ALMS1: variants seen among roughly 807,000 people sequenced by gnomAD.
ALMS1 encodes centrosome-associated protein ALMS1.
A neutral mutation model predicts 352.2 loss-of-function variants in ALMS1; 271 were observed. The ratio of observed to expected loss-of-function variants is 0.77; its 90% CI spans 0.70 to 0.85. ALMS1 has a LOEUF of 0.85. Ranked by LOEUF, ALMS1 falls within the 40% of genes least tolerant of loss-of-function variation. The probability of loss-of-function intolerance (pLI) is 0.00; values close to 1 mark genes in which losing one functional copy is unlikely to be tolerated. For missense variants in ALMS1, 5,445 were observed against 4,870.7 expected, an observed-to-expected ratio of 1.12 and a Z score of -3.51; for synonymous variants, 1,865 against 1,761.2, an observed-to-expected ratio of 1.06 and a Z score of -1.48.
At chr2:73,438,904 A>G (rs2103749924) in intron 7 of ALMS1, among the ~76,000 whole-genome samples, 1 of 152,206 alleles carries the variant, frequency 6.6e-6, no homozygotes, top group East Asian at 1.9e-4. Context: ...ACAATTATGT[A>G]AGAATTCTCT....
At chr2:73,605,568 G>T (rs1252499555) in intron 21 of ALMS1, among the ~76,000 whole-genome samples, 1 of 152,232 alleles carries the variant, frequency 6.6e-6, no homozygotes, top group Non-Finnish European at 1.5e-5. Flanking sequence ...CCACTTGTCA[G>T]CCAGGCACAG....
chr2:73,452,122 G>A lies in ALMS1; in HGVS notation c.5595G>A (p.Leu1865=), dbSNP rs2103787065. The A allele has an allele frequency of 6.2e-7, 1 of 1,608,860 alleles. No homozygotes were observed. Among genetic ancestry groups the A allele is most frequent in the Non-Finnish European group, 8.5e-7 (1 of 1,176,700 alleles). Residue 1865 remains leucine, a synonymous_variant, in exon 8 of 23, where the codon TTG becomes TTA. Coordinates refer to ENST00000613296, the MANE Select transcript of ALMS1 (RefSeq NM_001378454.1). ...CTGTCATTTCTTATGAGCAGGAGTT[G>A]CCAGATCTTACTGAAGTAACTTTGA... is the stretch of plus-strand genomic sequence containing the variant. ...EHSVISYEQE[L]PDLTEVTLKA... is the part of the protein sequence containing the mutation.
intron 10 of ALMS1, among the ~76,000 whole-genome samples, chr2:73,515,768 TACACACACACACACACACACACAC>T (rs71406825): frequency 7.1e-6 from 1 of 141,480 alleles, no homozygotes; most frequent in Admixed American, 7.1e-5. Context: ...TCCACAGAAA[TACACACACACACACACACACACAC>T]ACACACACAC....
chr2:73,549,331 A>G (rs781596143), intron 12 of ALMS1, among the ~76,000 whole-genome samples: 3 of 151,818 alleles, frequency 2.0e-5, no homozygotes, highest in Non-Finnish European at 4.4e-5. Flanking sequence ...TGTCTTTTGT[A>G]TTGTCAGATT....
At chr2:73,531,858 C>T (rs1572999164) in intron 11 of ALMS1, among the ~76,000 whole-genome samples, 1 of 152,226 alleles carries the variant, frequency 6.6e-6, no homozygotes, top group Non-Finnish European at 1.5e-5. Flanking sequence ...ACTGCCACTT[C>T]TAAACCATCA....
intron 8 of ALMS1, among the ~76,000 whole-genome samples, chr2:73,454,805 G>A (rs1473011143): frequency 2.0e-5 from 3 of 152,220 alleles, no homozygotes; most frequent in East Asian, 1.9e-4. Context: ...CCTCCAAGTT[G>A]TATTTATTAC....
At chr2:73,469,096 C>G (rs1279907509) in intron 9 of ALMS1, among the ~76,000 whole-genome samples, 2 of 152,004 alleles carry the variant, frequency 1.3e-5, no homozygotes, top group East Asian at 1.9e-4. Flanking sequence ...TGTCTCTTCT[C>G]CTTCTCTCTT....
At chr2:73,445,708 C>T (rs867227726) in intron 7 of ALMS1, among the ~76,000 whole-genome samples, 1 of 151,934 alleles carries the variant, frequency 6.6e-6, no homozygotes, top group Non-Finnish European at 1.5e-5. Context: ...TAAATTGTAC[C>T]CAGGTTGTTA....
In ALMS1 at chr2:73,600,665, TC is replaced by T. The variant is rs1261279730; in HGVS notation, c.11669-11del. 1.2e-6 allele frequency: 2 copies of T among 1,610,270 alleles called. No homozygotes were observed. The highest frequency in any genetic ancestry group is 8.5e-7 in the Non-Finnish European group (1 of 1,178,068). ...AGGTTACTCCCAGAGACACCTATGA[TC>T]CTTCCCCTCAGGTAACTTGGAGATT... On this transcript the variant is annotated splice_polypyrimidine_tract_variant and intron_variant, in intron 17 of 22. Transcript: ENST00000613296.
intron 14 of ALMS1, 116 bp downstream of exon 14, chr2:73,557,470 C>T (rs1409508857): frequency 7.6e-7 from 1 of 1,314,312 alleles, no homozygotes; most frequent in Non-Finnish European, 1.1e-6. Context: ...GTCTTCAGCT[C>T]TCTTCTATCT....
chr2:73,459,620 T>G (rs1354245562), intron 9 of ALMS1: 1 of 152,168 alleles, frequency 6.6e-6, no homozygotes, highest in Non-Finnish European at 1.5e-5. Context: ...CTATCATTGT[T>G]TATTTTGATA....
At chr2:73,397,944 A>G (rs1014481926) in intron 1 of ALMS1, among the ~76,000 whole-genome samples, 2 of 152,076 alleles carry the variant, frequency 1.3e-5, no homozygotes, top group African/African-American at 2.4e-5. Context: ...TATTCTTTTG[A>G]CAGTGTTTTT....
chr2:73,557,150 G>A lies in ALMS1; in HGVS notation c.10079-70G>A, dbSNP rs937038650. 9.1e-5 allele frequency: 145 copies of A among 1,598,942 alleles called. 1 individual carries two copies. In the Middle Eastern group the frequency reaches 2.5e-3, roughly 28 times the overall value. On this transcript the variant is annotated intron_variant, in intron 13 of 22. Coordinates refer to ENST00000613296, the MANE Select transcript of ALMS1 (RefSeq NM_001378454.1). ...GTTTGGGGTTTTGTTTGTAATTGTG[G>A]GGGAGGATTACTTGTCTGTTGTGTT...
intron 7 of ALMS1, among the ~76,000 whole-genome samples, chr2:73,436,990 G>T (rs1254791739): frequency 6.6e-6 from 1 of 152,118 alleles, no homozygotes; most frequent in Admixed American, 6.5e-5. Context: ...ATAATATCTT[G>T]TTGCAGCTCT....
rs201624771 is a variant in ALMS1, at chr2:73,519,852, C to T, written c.9617C>T (p.Thr3206Ile). The T allele has an allele frequency of 1.8e-4, 294 of 1,614,014 alleles. No homozygotes were observed. Among genetic ancestry groups the T allele is most frequent in the Middle Eastern group, 3.3e-4 (2 of 6,062 alleles). Reference protein sequence around the residue: ...LSSDAVTQITTESPEKTLFSS... With the variant: ...LSSDAVTQITIESPEKTLFSS... ...TCTGATGCAGTCACTCAGATAACAA[C>T]AGAAAGTCCAGAAAAGACCCTATTT... Residue 3206 changes from threonine (T) to isoleucine (I), a missense_variant, in exon 11 of 23, where the codon ACA becomes ATA. Coordinates refer to ENST00000613296, the MANE Select transcript of ALMS1 (RefSeq NM_001378454.1).
At chr2:73,475,334 T>A (rs1304546751) in intron 9 of ALMS1, among the ~76,000 whole-genome samples, 2 of 152,162 alleles carry the variant, frequency 1.3e-5, no homozygotes, top group East Asian at 3.9e-4. Context: ...CTGCACTATT[T>A]ACATTCCCAT....
rs1480072860 is a variant in ALMS1, at chr2:73,448,628, C to T, written c.2101C>T (p.Pro701Ser). 6.2e-7 allele frequency: 1 copy of T among 1,613,920 alleles called. No homozygotes were observed. Among genetic ancestry groups the T allele is most frequent in the East Asian group, 2.2e-5 (1 of 44,878 alleles). Residue 701 changes from proline (P) to serine (S), a missense_variant, in exon 8 of 23, where the codon CCA becomes TCA. Pro to Ser is a moderately conservative substitution (Grantham distance 74). Coordinates refer to ENST00000613296, the MANE Select transcript of ALMS1 (RefSeq NM_001378454.1). ...QALKVSAVSG[P>S]ADQKTGTATV... is the part of the protein sequence containing the mutation. ...TCTGAAAGTCTCAGCTGTGTCTGGACCAGCTGACCAGAAGACTGGGACAGC... is the reference window on the plus strand; with the variant it reads ...TCTGAAAGTCTCAGCTGTGTCTGGATCAGCTGACCAGAAGACTGGGACAGC...
At chr2:73,471,337 CAG>C (rs1226247890) in intron 9 of ALMS1, among the ~76,000 whole-genome samples, 1 of 149,814 alleles carries the variant, frequency 6.7e-6, no homozygotes, top group Non-Finnish European at 1.5e-5. Context: ...AATAGACAAA[CAG>C]GACTGCATCT....
intron 16 of ALMS1, among the ~76,000 whole-genome samples, chr2:73,584,863 T>C (rs772878685): frequency 1.3e-5 from 2 of 152,114 alleles, no homozygotes; most frequent in African/African-American, 2.4e-5. Context: ...CTCCCCGTTA[T>C]AAATGAGAAC....
Sources: gnomAD v4.1 joint callset for allele counts (sites outside exome capture counted in the v4.1 genomes callset) on GRCh38, gnomAD v4.1.1 for gene constraint, MANE v1.5 for transcripts, NCBI Gene and HGNC (gene_info 2026-07-23, HGNC 2026-07-21) for gene names.